Variants in PON3 observed in about 807,000 individuals in gnomAD.
PON3 encodes the protein paraoxonase 3.
A neutral mutation model predicts 36.3 loss-of-function variants in PON3; 37 were observed. That is an observed-to-expected ratio of 1.02 (90% CI 0.78 to 1.34). The LOEUF is 1.34. Among genes scored for constraint, PON3 ranks in the 40% most tolerant of loss-of-function variants. The probability of loss-of-function intolerance (pLI) is 0.00; values close to 1 mark genes in which losing one functional copy is unlikely to be tolerated. For synonymous variants in PON3, 155 were observed against 154.8 expected, an observed-to-expected ratio of 1.00 and a Z score of -0.01; for missense variants, 415 against 426.5, an observed-to-expected ratio of 0.97 and a Z score of 0.24.
At chr7:95,369,765 A>G (rs1161065353) in intron 4 of PON3, among the ~76,000 whole-genome samples, 1 of 152,138 alleles carries the variant, frequency 6.6e-6, no homozygotes, top group Non-Finnish European at 1.5e-5. Flanking sequence ...GACGAGCAAA[A>G]CTTCATCTCA....
chr7:95,382,565 C>G (rs1809085099), intron 3 of PON3, among the ~76,000 whole-genome samples: 1 of 152,196 alleles, frequency 6.6e-6, no homozygotes, highest in Non-Finnish European at 1.5e-5. Flanking sequence ...TCACAGGATA[C>G]TATAAACACA....
At chr7:95,375,219 T>C (rs1490822830) in intron 3 of PON3, among the ~76,000 whole-genome samples, 2 of 151,608 alleles carry the variant, frequency 1.3e-5, no homozygotes, top group Non-Finnish European at 2.9e-5. Context: ...ATAGTAGTAC[T>C]GAAGAAAAAA....
chr7:95,387,679 T>C (rs1809228128), intron 3 of PON3, among the ~76,000 whole-genome samples: 1 of 152,124 alleles, frequency 6.6e-6, no homozygotes, highest in South Asian at 2.1e-4. Flanking sequence ...GCCAAGACAA[T>C]TCTCAGGAAA....
At chr7:95,383,022 T>A (rs1289740100) in intron 3 of PON3, among the ~76,000 whole-genome samples, 2 of 152,190 alleles carry the variant, frequency 1.3e-5, no homozygotes, top group Non-Finnish European at 1.5e-5. Context: ...GTGGGCTTCA[T>A]CCCTGGGATG....
At chr7:95,367,295 C>T (rs562767932) in intron 5 of PON3, 67 bp downstream of exon 5, 1 of 1,587,002 alleles carries the variant, frequency 6.3e-7, no homozygotes, top group East Asian at 2.2e-5. Flanking sequence ...CCTGCTGAAC[C>T]AAAAAATACA....
chr7:95,394,837 A>G (rs1391983652), intron 1 of PON3, 123 bp from the exon 2 acceptor site: 2 of 789,312 alleles, frequency 2.5e-6, no homozygotes, highest in Admixed American at 3.8e-5. Flanking sequence ...GAATGACATA[A>G]CAAGTAAGTA....
chr7:95,370,431 G>T (rs1333498780), intron 4 of PON3, among the ~76,000 whole-genome samples: 3 of 150,490 alleles, frequency 2.0e-5, no homozygotes, highest in East Asian at 3.9e-4. Flanking sequence ...GAGAGGAAGT[G>T]TCAAGGTTGG....
chr7:95,372,067 T>C, intron 4 of PON3, 106 bp downstream of exon 4: 1 of 1,322,480 alleles, frequency 7.6e-7, no homozygotes, highest in East Asian at 2.3e-5. Context: ...ATCTGTATGG[T>C]AAAATAGCAT....
intron 3 of PON3, among the ~76,000 whole-genome samples, chr7:95,380,821 G>A (rs1809034968): frequency 6.6e-6 from 1 of 152,150 alleles, no homozygotes. Context: ...AGCAAGGTAG[G>A]CCAACATTCA....
intron 3 of PON3, among the ~76,000 whole-genome samples, chr7:95,388,485 T>C (rs1213740987): frequency 1.3e-5 from 2 of 152,194 alleles, no homozygotes; most frequent in African/African-American, 4.8e-5. Flanking sequence ...TTTTACACTG[T>C]TGGTGGGAGT....
intron 2 of PON3, among the ~76,000 whole-genome samples, chr7:95,393,394 G>A (rs891559562): frequency 1.3e-5 from 2 of 152,188 alleles, no homozygotes; most frequent in South Asian, 2.1e-4. Context: ...GCTGATTTTA[G>A]TAAGCAGAGA....
chr7:95,385,031 T>A (rs924767404), intron 3 of PON3, among the ~76,000 whole-genome samples: 1 of 152,044 alleles, frequency 6.6e-6, no homozygotes, highest in Non-Finnish European at 1.5e-5. Context: ...ACATAAAAAA[T>A]GATGAGTTCA....
At chr7:95,365,457 T>C (rs1195249339) in intron 5 of PON3, 1 of 152,278 alleles carries the variant, frequency 6.6e-6, no homozygotes, top group African/African-American at 2.4e-5. Context: ...TAATAGGAGA[T>C]GGGGCTGGTG....
At chr7:95,363,774 G>T in intron 6 of PON3, 89 bp downstream of exon 6, 1 of 1,271,616 alleles carries the variant, frequency 7.9e-7, no homozygotes, top group Non-Finnish European at 1.1e-6. Flanking sequence ...CACTACGTAA[G>T]CCTAAGTAAG....
chr7:95,363,582 AGT>A, intron 6 of PON3: 1 of 457,222 alleles, frequency 2.2e-6, no homozygotes. Context: ...CTTCCTTTGT[AGT>A]GTGTTAGGAA....
chr7:95,393,836 T>C (rs185277993), intron 2 of PON3, among the ~76,000 whole-genome samples: 2 of 152,172 alleles, frequency 1.3e-5, no homozygotes, highest in Admixed American at 1.3e-4. Flanking sequence ...GGTTAGGGAC[T>C]GGGCCATGGA....
intron 8 of PON3, among the ~76,000 whole-genome samples, chr7:95,361,885 A>AT (rs1190767539): frequency 1.3e-5 from 2 of 152,208 alleles, no homozygotes. Flanking sequence ...AATAACACAA[A>AT]TGATATCTTG....
At chr7:95,376,255 G>A (rs1204589804) in intron 3 of PON3, among the ~76,000 whole-genome samples, 1 of 152,222 alleles carries the variant, frequency 6.6e-6, no homozygotes, top group Non-Finnish European at 1.5e-5. Context: ...CTGGCAAAGT[G>A]TGAAGAAGGG....
chr7:95,378,110 T>C (rs575816830), intron 3 of PON3, among the ~76,000 whole-genome samples: 38 of 152,244 alleles, frequency 2.5e-4, no homozygotes, highest in African/African-American at 8.9e-4. Context: ...TCCTCATGCA[T>C]GCACAAGCTT....
Sources: allele counts gnomAD v4.1 joint callset (sites outside exome capture counted in the v4.1 genomes callset), GRCh38; gene constraint gnomAD v4.1.1; transcripts MANE v1.5; gene names NCBI Gene and HGNC (gene_info 2026-07-23, HGNC 2026-07-21).